The following RACGAP1 variants were observed in gnomAD, a reference collection of about 807,000 sequenced individuals.
RACGAP1 encodes the protein rac GTPase-activating protein 1.
RACGAP1 carries 30 observed loss-of-function variants against 78.1 expected under a neutral mutation model. The observed-to-expected ratio is 0.38, with a 90% CI of 0.29 to 0.52. The LOEUF (loss-of-function observed/expected upper bound fraction) is 0.52, where lower values mean the gene tolerates loss of function less well. Among genes scored for constraint, RACGAP1 ranks in the 20% least tolerant of loss-of-function variants. The pLI, the probability that RACGAP1 is intolerant of heterozygous loss-of-function variation, is 0.82. For missense variants in RACGAP1, 587 were observed against 777.1 expected (o/e 0.76, Z 2.91); for synonymous variants, 231 against 264.8 (o/e 0.87, Z 1.24).
intron 7 of RACGAP1, among the ~76,000 whole-genome samples, chr12:50,000,082 C>T (rs1387968947): frequency 2.2e-5 from 3 of 136,418 alleles, no homozygotes; most frequent in African/African-American, 5.4e-5. Context: ...GGCCCAATAT[C>T]GGCTGACTGC....
intron 2 of RACGAP1, among the ~76,000 whole-genome samples, chr12:50,015,868 G>A (rs1384151770): frequency 2.0e-5 from 3 of 150,150 alleles, no homozygotes; most frequent in South Asian, 2.1e-4. Context: ...GCATGGTGGC[G>A]CAACCTGGGT....
At chr12:50,014,128 T>G (rs1949512340) in intron 2 of RACGAP1, among the ~76,000 whole-genome samples, 1 of 152,168 alleles carries the variant, frequency 6.6e-6, no homozygotes, top group African/African-American at 2.4e-5. Flanking sequence ...ATAAGCAAGA[T>G]ACCACAAGTA....
rs563807877 is a variant in RACGAP1 at position 49,996,141 on chromosome 12, G to A, written c.1044+899C>T. The stretch of plus-strand genomic sequence containing the variant: ...AGCCTGGCCAACATGGCAAAACCCC[G>A]TCTCTACTAAAAATACAAAAAAATT... On this transcript the variant is annotated intron_variant, in intron 10 of 16. Transcript: ENST00000312377. Among the ~76,000 whole-genome samples, 19 of 148,828 alleles carry A rather than the reference G, an allele frequency of 1.3e-4. 1 individual carries two copies. Among genetic ancestry groups the A allele is most frequent in the South Asian group, 6.4e-4 (3 of 4,652 alleles).
In RACGAP1 at chr12:50,016,664, G is replaced by A. The variant is rs760047597; in HGVS notation, c.52C>T (p.Arg18Trp). The change falls in exon 2 of 17, where the codon CGG (arginine) becomes TGG (tryptophan). Residue 18 changes from arginine to tryptophan, a missense_variant. Arg to Trp is a moderately radical substitution (Grantham distance 101). Coordinates refer to ENST00000312377, the MANE Select transcript of RACGAP1 (RefSeq NM_001319999.2). ...TTTCCTTCACTGAGAATCTCCACCC[G>A]GCGCACAAGCTGCTCAAACAGATTC... ...VRNLFEQLVR[R>W]VEILSEGNEV... The A allele has an allele frequency of 4.6e-5, 75 of 1,613,926 alleles. 2 individuals carry two copies. The South Asian group carries it at 7.8e-4, about 17-fold the overall frequency.
At chr12:50,002,194 A>G in intron 6 of RACGAP1, 53 bp downstream of exon 6, 1 of 1,562,664 alleles carries the variant, frequency 6.4e-7, no homozygotes, top group Non-Finnish European at 8.8e-7. Context: ...AATTTCCAAA[A>G]ATAACTCCAT....
At position 50,025,445 on chromosome 12, in the gene RACGAP1, C is replaced by A; in HGVS notation, c.-52G>T. On this transcript the variant is annotated 5_prime_UTR_variant, in exon 1 of 17. Transcript: ENST00000312377. The stretch of plus-strand genomic sequence containing the variant: ...GGGCCACCCTTCACTTCGCTCCGCG[C>A]CTCACCCAACGGCAGAGCAGCGCCG... The A allele has an allele frequency of 1.0e-6, 1 of 985,704 alleles. No individual in the cohort carries two copies. Among genetic ancestry groups the A allele is most frequent in the Middle Eastern group, 5.2e-4 (1 of 1,918 alleles). 61.1% of individuals were successfully genotyped at this position (985,704 alleles called of 1,614,324 possible). A position where few individuals can be genotyped will look rare whatever the true frequency, so the allele number is the denominator to read the frequency against.
intron 3 of RACGAP1, 47 bp from the exon 4 acceptor site, chr12:50,005,439 A>G (rs1167085406): frequency 1.0e-5 from 16 of 1,605,476 alleles, no homozygotes; most frequent in Non-Finnish European, 1.4e-5. Flanking sequence ...CAGGGGAGAA[A>G]GCTTCACCTC....
intron 2 of RACGAP1, chr12:50,031,634 G>T: frequency 1.2e-5 from 12 of 960,320 alleles, no homozygotes; most frequent in Non-Finnish European, 1.5e-5. Context: ...TTCCCTGTGC[G>T]CCAGCACTCT....
chr12:50,002,568 G>A, intron 5 of RACGAP1: 1 of 313,290 alleles, frequency 3.2e-6, no homozygotes, highest in East Asian at 5.3e-5. Flanking sequence ...ATCAAATTCT[G>A]CCATATTTCC....
At chr12:50,014,946 G>A (rs1949569896) in intron 2 of RACGAP1, among the ~76,000 whole-genome samples, 1 of 151,660 alleles carries the variant, frequency 6.6e-6, no homozygotes, top group African/African-American at 2.4e-5. Flanking sequence ...AGGAGGCTGA[G>A]GCAGGACAAT....
intron 6 of RACGAP1, 93 bp from the exon 7 acceptor site, chr12:50,001,345 C>A: frequency 1.0e-6 from 1 of 984,280 alleles, no homozygotes; most frequent in Non-Finnish European, 1.6e-6. Context: ...GGATACAGGT[C>A]CTGGGGATTA....
At chr12:49,996,504 G>T (rs1948273329) in intron 10 of RACGAP1, among the ~76,000 whole-genome samples, 1 of 151,336 alleles carries the variant, frequency 6.6e-6, no homozygotes, top group African/African-American at 2.4e-5. Context: ...GGGCATGGTG[G>T]TGGTACATGC....
At chr12:50,031,363 C>T (rs1950331704) in intron 2 of RACGAP1, among the ~76,000 whole-genome samples, 1 of 148,914 alleles carries the variant, frequency 6.7e-6, no homozygotes, top group African/African-American at 2.5e-5. Context: ...CCTGTAATCC[C>T]AGCTACTCAG....
At chr12:49,999,083 G>C in intron 9 of RACGAP1, 58 bp downstream of exon 9, 1 of 1,516,228 alleles carries the variant, frequency 6.6e-7, no homozygotes. Context: ...CTTTATTCCT[G>C]GTATTTATTA....
chr12:50,021,245 GTCACTTTCCA>G, intron 1 of RACGAP1: 2 of 432,332 alleles, frequency 4.6e-6, no homozygotes, highest in South Asian at 9.8e-5. Flanking sequence ...TAAAACAGCT[GTCACTTTCCA>G]CAACAGAGAC....
In RACGAP1 at chr12:50,024,151, A is replaced by C. The variant is rs1412486920; in HGVS notation, c.-5+1247T>G. ...ACTCCAGCCTGGGCGACACAGCGAG[A>C]CTCCGTCTCAAAAAAAAAAAAGAAA... On this transcript the variant is annotated intron_variant, in intron 1 of 16. Coordinates refer to ENST00000312377, the MANE Select transcript of RACGAP1 (RefSeq NM_001319999.2). Among the ~76,000 whole-genome samples, 4 of 151,378 alleles carry C rather than the reference A, an allele frequency of 2.6e-5. No individual in the cohort carries two copies. In the East Asian group the frequency reaches 5.8e-4, roughly 22 times the overall value.
intron 12 of RACGAP1, 94 bp downstream of exon 12, chr12:49,994,037 G>C: frequency 8.1e-7 from 1 of 1,234,874 alleles, no homozygotes; most frequent in South Asian, 1.6e-5. Flanking sequence ...GTGAGACTCT[G>C]TCTAAAAAAT....
intron 10 of RACGAP1, 74 bp downstream of exon 10, chr12:49,996,966 A>G: frequency 1.4e-6 from 2 of 1,386,378 alleles, no homozygotes; most frequent in Non-Finnish European, 1.9e-6. Context: ...TAATTTTAGA[A>G]CAAAAACTGA....
In RACGAP1 at chr12:50,005,326, C is replaced by T. The variant is rs758453171; in HGVS notation, c.355G>A (p.Glu119Lys). ...CDTSGSIQLS[E>K]EQKSALAFLN... ...AAAGCCAGAGCTGATTTTTGCTCCT[C>T]GCTTAGTTGAATGCTGCCAGATGTG... Residue 119 changes from glutamate (E) to lysine (K), a missense_variant, in exon 4 of 17, where the codon GAG becomes AAG. Transcript: ENST00000312377. 1.1e-5 allele frequency: 18 copies of T among 1,614,192 alleles called. No individual in the cohort carries two copies. The highest frequency in any genetic ancestry group is 4.5e-5 in the East Asian group (2 of 44,890).
Sources: allele counts gnomAD v4.1 joint callset (sites outside exome capture counted in the v4.1 genomes callset), GRCh38; gene constraint gnomAD v4.1.1; transcripts MANE v1.5; gene names NCBI Gene and HGNC (gene_info 2026-07-23, HGNC 2026-07-21).